SEL1L3: variants seen among roughly 807,000 people sequenced by gnomAD.
SEL1L3 encodes SEL1L family member 3, also known as protein sel-1 homolog 3.
A neutral mutation model predicts 142.8 loss-of-function variants in SEL1L3; 76 were observed. The ratio of observed to expected loss-of-function variants is 0.53; its 90% CI spans 0.44 to 0.64. The LOEUF (loss-of-function observed/expected upper bound fraction) is 0.64. SEL1L3 is among the 30% of genes least tolerant of loss of function. The pLI, the probability that SEL1L3 is intolerant of heterozygous loss-of-function variation, is 0.00. For missense variants in SEL1L3, 1,262 were observed against 1,381.7 expected (o/e 0.91, Z 1.37); for synonymous variants, 504 against 519.6 (o/e 0.97, Z 0.41).
At chr4:25,807,571 A>T (rs779421660) in intron 9 of SEL1L3, among the ~76,000 whole-genome samples, 1 of 152,054 alleles carries the variant, frequency 6.6e-6, no homozygotes, top group Non-Finnish European at 1.5e-5. Flanking sequence ...AGCAACATTA[A>T]CATTTGTTAA....
At chr4:25,781,552 C>T (rs995936572) in intron 15 of SEL1L3, among the ~76,000 whole-genome samples, 18 of 152,138 alleles carry the variant, frequency 1.2e-4, no homozygotes, top group African/African-American at 4.1e-4. Flanking sequence ...GCATGAGAAT[C>T]GTTTTTATTT....
At chr4:25,776,399 G>A (rs763327592) in intron 16 of SEL1L3, 39 bp from the exon 17 acceptor site, 1 of 1,367,378 alleles carries the variant, frequency 7.3e-7, no homozygotes, top group Non-Finnish European at 1.0e-6. Context: ...GCAAACCATG[G>A]CAAATTTAAT....
At position 25,830,166 on chromosome 4, in the gene SEL1L3, G is replaced by A. The variant is rs181410103; in HGVS notation, c.1099-10C>T. 6.9e-6 allele frequency: 11 copies of A among 1,586,024 alleles called. No individual in the cohort carries two copies. In the African/African-American group the frequency reaches 1.3e-4, roughly 19 times the overall value. ...TAGTGGTTACTACTATCTATGATGG[G>A]AGGGATACACAAGAATCAGTTATGC... On this transcript the variant is annotated splice_polypyrimidine_tract_variant and intron_variant, in intron 5 of 23. Coordinates refer to ENST00000399878, the MANE Select transcript of SEL1L3 (RefSeq NM_015187.5).
the SEL1L3 span, chr4:25,718,928 G>A: frequency 6.6e-6 from 1 of 152,272 alleles, no homozygotes; most frequent in Admixed American, 6.5e-5. Flanking sequence ...TGTAATCCCA[G>A]CACTTTGGGA....
intron 14 of SEL1L3, among the ~76,000 whole-genome samples, chr4:25,783,171 T>G (rs1711548369): frequency 6.6e-6 from 1 of 152,160 alleles, no homozygotes; most frequent in Admixed American, 6.5e-5. Flanking sequence ...ATGGCCCCAT[T>G]TTAGGGTGCT....
intron 1 of SEL1L3, among the ~76,000 whole-genome samples, chr4:25,855,484 G>A (rs1717193399): frequency 6.6e-6 from 1 of 152,106 alleles, no homozygotes; most frequent in African/African-American, 2.4e-5. Context: ...GGCTGGGCAC[G>A]GTGGCTCATG....
intron 2 of SEL1L3, among the ~76,000 whole-genome samples, chr4:25,842,361 G>A (rs1716223731): frequency 6.6e-6 from 1 of 152,012 alleles, no homozygotes; most frequent in Non-Finnish European, 1.5e-5. Context: ...AAGTGGCAGT[G>A]GGGGGCGGTG....
At chr4:25,789,397 T>G (rs765339441) in intron 12 of SEL1L3, among the ~76,000 whole-genome samples, 1 of 151,896 alleles carries the variant, frequency 6.6e-6, no homozygotes, top group Non-Finnish European at 1.5e-5. Context: ...CTGGGCAACA[T>G]AGCAAGACCC....
Position 25,859,697 on chromosome 4 carries a change from C to T in SEL1L3, c.162+2978G>A, listed in dbSNP as rs181191002. On this transcript the variant is annotated intron_variant, in intron 1 of 23. Coordinates refer to ENST00000399878, the MANE Select transcript of SEL1L3 (RefSeq NM_015187.5). ...TGCATTCCAAGGCACATTTGCTGTA[C>T]ACTTGTATGCACATTCATCCAAACT... Among the ~76,000 whole-genome samples, 5 of 152,326 alleles carry T rather than the reference C, an allele frequency of 3.3e-5. No homozygotes were observed. The East Asian group carries it at 9.6e-4, about 29-fold the overall frequency.
chr4:25,734,756 A>G, the SEL1L3 span, among the ~76,000 whole-genome samples: 2 of 151,836 alleles, frequency 1.3e-5, no homozygotes, highest in Non-Finnish European at 2.9e-5. Context: ...TTTAGTAGAT[A>G]CAGGGTTTCG....
the SEL1L3 span, among the ~76,000 whole-genome samples, chr4:25,730,145 T>A: frequency 1.3e-5 from 2 of 151,968 alleles, no homozygotes; most frequent in African/African-American, 4.8e-5. Context: ...TGTTGGCCAG[T>A]CTGGTCTCGA....
Position 25,788,775 on chromosome 4 carries a change from G to A in SEL1L3, c.2077-411C>T, listed in dbSNP as rs1398209769. 1.3e-5 allele frequency among the ~76,000 whole-genome samples: 2 copies of A among 152,114 alleles called. No homozygotes were observed. Among genetic ancestry groups the A allele is most frequent in the Non-Finnish European group, 1.5e-5 (1 of 68,030 alleles). Reference sequence around the variant, plus strand: ...TGTATCATTAGGGCATCCTTCTATAGCACTGATCTCTCATCTTATCATTTG... The same window carrying A: ...TGTATCATTAGGGCATCCTTCTATAACACTGATCTCTCATCTTATCATTTG... On this transcript the variant is annotated intron_variant, in intron 12 of 23. Coordinates refer to ENST00000399878, the MANE Select transcript of SEL1L3 (RefSeq NM_015187.5). The surrounding 1 kb of genome is among the most constrained non-coding windows in gnomAD (Gnocchi z 5.3).
chr4:25,845,828 C>T (rs1050146088), intron 2 of SEL1L3, among the ~76,000 whole-genome samples: 6 of 152,160 alleles, frequency 3.9e-5, no homozygotes, highest in Non-Finnish European at 8.8e-5. Context: ...ATGTCCTCTG[C>T]CTGCCAAGCC....
At chr4:25,722,623 G>GATTTTTTTTTT in the SEL1L3 span, among the ~76,000 whole-genome samples, 160 of 125,092 alleles carry the variant, frequency 1.3e-3, 1 homozygote, top group East Asian at 2.9e-3. Flanking sequence ...TCCAAAGGAG[G>GATTTTTTTTTT]CTTTTTTTTT....
the SEL1L3 span, among the ~76,000 whole-genome samples, chr4:25,724,155 A>G: frequency 6.6e-6 from 1 of 152,170 alleles, no homozygotes; most frequent in East Asian, 1.9e-4. Context: ...CCGGTGGCTC[A>G]CACCTGTAAT....
At chr4:25,737,215 C>T in the SEL1L3 span, among the ~76,000 whole-genome samples, 2 of 152,122 alleles carry the variant, frequency 1.3e-5, no homozygotes, top group South Asian at 4.1e-4. Context: ...GAACTCCTGA[C>T]CTTGTGAACT....
chr4:25,788,173 A>C lies in SEL1L3; in HGVS notation c.2217+51T>G. The stretch of plus-strand genomic sequence containing the variant: ...CCAGCCCGCCCACAGGAAACTGCTC[A>C]GGAGTCTGATAAGAATTGCACAATT... On this transcript the variant is annotated intron_variant, in intron 13 of 23. Transcript: ENST00000399878. This position sits in a 1 kb window ranked among gnomAD's most constrained non-coding sequence, Gnocchi z 5.3. 1 of 1,594,712 alleles carries C rather than the reference A, an allele frequency of 6.3e-7. No homozygotes were observed. The highest frequency in any genetic ancestry group is 8.6e-7 in the Non-Finnish European group (1 of 1,168,730).
intron 9 of SEL1L3, among the ~76,000 whole-genome samples, chr4:25,808,925 T>A (rs1011981258): frequency 2.2e-4 from 11 of 50,134 alleles, no homozygotes; most frequent in Non-Finnish European, 4.7e-4. Context: ...AAAAAAAAAT[T>A]AGCAGGGTGT....
Position 25,782,407 on chromosome 4 carries a change from C to A in SEL1L3, c.2292G>T (p.Gln764His), listed in dbSNP as rs1247180974. 6.2e-7 allele frequency: 1 copy of A among 1,612,472 alleles called. No individual in the cohort carries two copies. The highest frequency in any genetic ancestry group is 1.7e-5 in the Admixed American group (1 of 59,686). Residue 764 changes from glutamine to histidine, a missense_variant, in exon 15 of 24, where the codon CAG becomes CAT. Physicochemically the swap from Gln to His is conservative, Grantham distance 24. Around this residue, in one of 3 missense-constraint regions of SEL1L3, gnomAD observed 435 missense variants for 559.2 expected, o/e 0.78. Transcript: ENST00000399878. ...AATACCATCCCAGGCCATTGACTGC[C>A]TGATGCAATCCCTGAATTTTGGAAC... ...MKKAASKGLH[Q>H]AVNGLGWYYH...
Sources: allele counts gnomAD v4.1 joint callset (sites outside exome capture counted in the v4.1 genomes callset), GRCh38; gene constraint gnomAD v4.1.1; regional missense constraint gnomAD v4.1.1; non-coding constraint Gnocchi (gnomAD v3.1); transcripts MANE v1.5; gene names NCBI Gene and HGNC (gene_info 2026-07-23, HGNC 2026-07-21).